ECE2: variants seen among roughly 807,000 people sequenced by gnomAD.
ECE2 encodes the protein endothelin converting enzyme 2, also known as endothelin-converting enzyme 2.
Under a neutral mutation model 100.6 loss-of-function variants are expected in ECE2, and 81 were observed. The ratio of observed to expected loss-of-function variants is 0.81; its 90% CI spans 0.67 to 0.97. ECE2 has a LOEUF of 0.97. ECE2 is among the 50% of genes least tolerant of loss of function. ECE2 has a pLI of 0.00. For missense variants in ECE2, 911 were observed against 988.1 expected (o/e 0.92, Z 1.05); for synonymous variants, 391 against 391.5 (o/e 1.00, Z 0.02).
At position 184,291,206 on chromosome 3, in the gene ECE2, C is replaced by T. The variant is rs768865666; in HGVS notation, c.2001C>T (p.Asn667=). ...RQTLGENIAD[N]GGLKAAYNAY... ...CGCTGGGGGAGAACATTGCTGACAA[C>T]GGGGGGCTGAAGGCTGCCTACAATG... is the stretch of plus-strand genomic sequence containing the variant. Residue 667 remains asparagine (N), a synonymous_variant, in exon 17 of 19, where the codon AAC becomes AAT. Transcript: ENST00000404464. This position sits in a 1 kb window ranked among gnomAD's most constrained non-coding sequence, Gnocchi z 4.1. 2.4e-5 allele frequency: 38 copies of T among 1,612,624 alleles called. No individual in the cohort carries two copies. The highest frequency in any genetic ancestry group is 4.5e-5 in the East Asian group (2 of 44,876).
chr3:184,284,573 A>G (rs116809449), intron 8 of ECE2, among the ~76,000 whole-genome samples: 4,010 of 151,264 alleles, frequency 0.027, 201 homozygotes, highest in African/African-American at 0.093. Context: ...TAGAAGTGAA[A>G]GTTTCCACTG....
intron 10 of ECE2, 118 bp from the exon 11 acceptor site, chr3:184,287,719 G>C (rs1721119555): frequency 1.2e-6 from 1 of 849,282 alleles, no homozygotes; most frequent in Non-Finnish European, 1.9e-6. Flanking sequence ...GTGGCACTGA[G>C]CAAACCCAGG....
At chr3:184,286,540 T>A (rs1400455104) in intron 10 of ECE2, among the ~76,000 whole-genome samples, 1 of 152,100 alleles carries the variant, frequency 6.6e-6, no homozygotes, top group Admixed American at 6.6e-5. Context: ...TGGTGGCTCA[T>A]GCCTGTAATC....
Position 184,291,492 on chromosome 3 carries a change from G to T in ECE2, c.2121+53G>T. The T allele has an allele frequency of 6.8e-7, 1 of 1,463,096 alleles. No individual in the cohort carries two copies. The highest frequency in any genetic ancestry group is 9.2e-7 in the Non-Finnish European group (1 of 1,089,200). The allele number at this position is 1,463,096 out of a possible 1,614,324, so 90.6% of individuals were successfully genotyped here. A position where few individuals can be genotyped will look rare whatever the true frequency, so the allele number is the denominator to read the frequency against. ...CTGCCCCTTTGTCCTGCTCCCTCCT[G>T]AGTATGTCATTAGGAGAACTCTGGG... is the stretch of plus-strand genomic sequence containing the variant. On this transcript the variant is annotated intron_variant, in intron 18 of 18. Coordinates refer to ENST00000404464, the MANE Select transcript of ECE2 (RefSeq NM_001100121.2). The surrounding 1 kb of genome is among the most constrained non-coding windows in gnomAD (Gnocchi z 4.1).
At position 184,290,806 on chromosome 3, in the gene ECE2, G is replaced by C. The variant is rs200405804; in HGVS notation, c.1780G>C (p.Gly594Arg). ...CTCACCCACCAGGGCCCTGAACTTC[G>C]GTGGCATCGGTGTGGTCATGGGCCA... ...ARNHPKALNFGGIGVVMGHEL... is the reference protein window; with the variant it reads ...ARNHPKALNFRGIGVVMGHEL... The change falls in exon 16 of 19, where the codon GGT becomes CGT. Residue 594 changes from glycine (G) to arginine (R), a missense_variant. Transcript: ENST00000404464. 2 of 1,614,052 alleles carry C rather than the reference G, an allele frequency of 1.2e-6. No homozygotes were observed. Among genetic ancestry groups the C allele is most frequent in the Non-Finnish European group, 1.7e-6 (2 of 1,180,042 alleles).
Position 184,278,243 on chromosome 3 carries a change from A to G in ECE2, c.680A>G (p.Tyr227Cys). 1.2e-6 allele frequency: 2 copies of G among 1,614,194 alleles called. No homozygotes were observed. The highest frequency in any genetic ancestry group is 2.2e-5 in the South Asian group (2 of 91,090). ...MEVLKAVAGT[Y>C]RATPFFTVYI... ...GTGTTGAAGGCAGTAGCAGGGACCT[A>G]CAGGGCCACCCCATTCTTCACCGTC... The change falls in exon 6 of 19, where the codon TAC becomes TGC. Residue 227 changes from tyrosine to cysteine, a missense_variant. Transcript: ENST00000404464.
intron 7 of ECE2, among the ~76,000 whole-genome samples, chr3:184,281,971 C>T (rs954490433): frequency 2.6e-5 from 4 of 152,280 alleles, no homozygotes; most frequent in South Asian, 2.1e-4. Context: ...TGGTGGCCCG[C>T]GCCTGTAATC....
In ECE2 at chr3:184,291,242, GA is replaced by G; in HGVS notation, c.2025+13del. The G allele has an allele frequency of 6.2e-7, 1 of 1,608,052 alleles. No individual in the cohort carries two copies. The highest frequency in any genetic ancestry group is 8.5e-7 in the Non-Finnish European group (1 of 1,176,532). On this transcript the variant is annotated intron_variant, in intron 17 of 18. Coordinates refer to ENST00000404464, the MANE Select transcript of ECE2 (RefSeq NM_001100121.2). This position sits in a 1 kb window ranked among gnomAD's most constrained non-coding sequence, Gnocchi z 4.1. ...AGGCTGCCTACAATGTGAGTGGCCT[GA>G]CCAGCCCTCCAGCGGCTGAGGCCTG...
chr3:184,282,072 C>G (rs866831315), intron 7 of ECE2, among the ~76,000 whole-genome samples: 1 of 152,216 alleles, frequency 6.6e-6, no homozygotes, highest in Non-Finnish European at 1.5e-5. Flanking sequence ...GCACTTCAGC[C>G]TGGGCGACAG....
rs544286624 is a variant in ECE2, at chr3:184,287,641, G to A, written c.1264-196G>A. The stretch of plus-strand genomic sequence containing the variant: ...GCCCAGGGGACAGAGGTTGCAGTGA[G>A]CAGTGATTGCACCACTATACTCCAG... On this transcript the variant is annotated intron_variant, in intron 10 of 18. Coordinates refer to ENST00000404464, the MANE Select transcript of ECE2 (RefSeq NM_001100121.2). Among the ~76,000 whole-genome samples the A allele has an allele frequency of 1.1e-4, 17 of 152,326 alleles. No homozygotes were observed. The East Asian group carries it at 3.3e-3, about 29-fold the overall frequency.
At chr3:184,288,320 AAAAAAAAAAAAG>A (rs1210241536) in intron 11 of ECE2, among the ~76,000 whole-genome samples, 2 of 151,238 alleles carry the variant, frequency 1.3e-5, no homozygotes, top group African/African-American at 4.8e-5. Flanking sequence ...AAAAAAAAAA[AAAAAAAAAAAAG>A]AAAAGAAAAG....
At chr3:184,286,479 G>A (rs1250571782) in intron 10 of ECE2, among the ~76,000 whole-genome samples, 1 of 152,116 alleles carries the variant, frequency 6.6e-6, no homozygotes. Context: ...GGGAAGCGGG[G>A]ATGAGAATGG....
intron 7 of ECE2, among the ~76,000 whole-genome samples, chr3:184,282,834 A>G (rs1371795970): frequency 6.6e-6 from 1 of 152,198 alleles, no homozygotes; most frequent in Admixed American, 6.5e-5. Flanking sequence ...AGGAAAAGAT[A>G]CACTGTATGG....
rs1426345829 is a variant in ECE2 at position 184,291,754 on chromosome 3, A to T, written c.2122-308A>T. The stretch of plus-strand genomic sequence containing the variant: ...CATCCTCACGCTGTTCCTGTGAGGG[A>T]GACATGCAGGAAACGAAAGCTCGGG... On this transcript the variant is annotated intron_variant, in intron 18 of 18. Transcript: ENST00000404464. This position sits in a 1 kb window ranked among gnomAD's most constrained non-coding sequence, Gnocchi z 4.1. 2 of 511,198 alleles carry T rather than the reference A, an allele frequency of 3.9e-6. No individual in the cohort carries two copies. Among genetic ancestry groups the T allele is most frequent in the Non-Finnish European group, 6.9e-6 (2 of 288,428 alleles). The allele number at this position is 511,198 out of a possible 1,614,324, so 31.7% of individuals were successfully genotyped here. A position where few individuals can be genotyped will look rare whatever the true frequency, so the allele number is the denominator to read the frequency against.
chr3:184,283,742 A>G (rs1365528276), intron 7 of ECE2, 43 bp from the exon 8 acceptor site: 4 of 1,597,720 alleles, frequency 2.5e-6, no homozygotes, highest in Non-Finnish European at 3.4e-6. Context: ...AGCCTTGGGC[A>G]GGACTTGTTG....
At position 184,292,539 on chromosome 3, in the gene ECE2, C is replaced by T; in HGVS notation, c.*301C>T. The T allele has an allele frequency of 2.3e-6, 1 of 432,768 alleles. No individual in the cohort carries two copies. The allele number at this position is 432,768 out of a possible 1,614,324, so 26.8% of individuals were successfully genotyped here. A position where few individuals can be genotyped will look rare whatever the true frequency, so the allele number is the denominator to read the frequency against. On this transcript the variant is annotated 3_prime_UTR_variant, in exon 19 of 19. Coordinates refer to ENST00000404464, the MANE Select transcript of ECE2 (RefSeq NM_001100121.2). Reference sequence around the variant, plus strand: ...ATAGGAAGGAGTCTGCCTCTTCTGTCCCCAGGCTCACTCAGCCTGGCGGCC... The same window carrying T: ...ATAGGAAGGAGTCTGCCTCTTCTGTTCCCAGGCTCACTCAGCCTGGCGGCC...
intron 7 of ECE2, among the ~76,000 whole-genome samples, chr3:184,282,303 G>T (rs1364936039): frequency 2.0e-5 from 3 of 152,200 alleles, no homozygotes; most frequent in Non-Finnish European, 1.5e-5. Context: ...AAGAGGAGAG[G>T]TGAGAGACAG....
chr3:184,276,439 C>A, intron 1 of ECE2, 42 bp from the exon 2 acceptor site: 1 of 1,578,162 alleles, frequency 6.3e-7, no homozygotes, highest in Non-Finnish European at 8.6e-7. Flanking sequence ...GCAAATAGCC[C>A]TCTCTGCCTG....
Position 184,278,315 on chromosome 3 carries a change from T to C in ECE2, c.750+2T>C, listed in dbSNP as rs771052643. 6.4e-5 allele frequency: 103 copies of C among 1,613,544 alleles called. No homozygotes were observed. The highest frequency in any genetic ancestry group is 8.4e-5 in the Non-Finnish European group (99 of 1,179,818). The stretch of plus-strand genomic sequence containing the variant: ...AGTTCCAACAGCAATGTTATCCAGG[T>C]GATGAGCTGGGAAAGGGTGGGGAGA... On this transcript the variant is annotated splice_donor_variant, in intron 6 of 18. Coordinates refer to ENST00000404464, the MANE Select transcript of ECE2 (RefSeq NM_001100121.2). LOFTEE classifies it high-confidence loss of function.
Sources: allele counts gnomAD v4.1 joint callset (sites outside exome capture counted in the v4.1 genomes callset), GRCh38; gene constraint gnomAD v4.1.1; non-coding constraint Gnocchi (gnomAD v3.1); transcripts MANE v1.5; gene names NCBI Gene and HGNC (gene_info 2026-07-23, HGNC 2026-07-21).